Variants in MACROD2 observed in about 807,000 individuals in gnomAD.
MACROD2 encodes the protein ADP-ribose glycohydrolase MACROD2.
A neutral mutation model predicts 70.4 loss-of-function variants in MACROD2; 36 were observed. The ratio of observed to expected loss-of-function variants is 0.51; its 90% CI spans 0.39 to 0.68. The LOEUF is 0.68. MACROD2 is among the 30% of genes least tolerant of loss of function. The pLI, the probability that MACROD2 is intolerant of heterozygous loss-of-function variation, is 0.00. For missense variants in MACROD2, 496 were observed against 538.4 expected, an observed-to-expected ratio of 0.92 and a Z score of 0.78; for synonymous variants, 172 against 178.8, an observed-to-expected ratio of 0.96 and a Z score of 0.30.
At chr20:14,774,969 C>T (rs1568788746) in intron 5 of MACROD2, among the ~76,000 whole-genome samples, 1 of 152,178 alleles carries the variant, frequency 6.6e-6, no homozygotes, top group East Asian at 1.9e-4. Flanking sequence ...GTCTCAAAAG[C>T]AAAATTTGTT....
intron 3 of MACROD2, among the ~76,000 whole-genome samples, chr20:14,103,853 G>T (rs2054331506): frequency 6.6e-6 from 1 of 152,018 alleles, no homozygotes; most frequent in Non-Finnish European, 1.5e-5. Flanking sequence ...ATTATTTTAA[G>T]TTTTTTACTG....
chr20:15,032,402 A>G (rs1207638834), intron 5 of MACROD2, among the ~76,000 whole-genome samples: 1 of 152,200 alleles, frequency 6.6e-6, no homozygotes, highest in African/African-American at 2.4e-5. Flanking sequence ...GACGCTCCAG[A>G]TGGGCCACTG....
intron 7 of MACROD2, among the ~76,000 whole-genome samples, chr20:15,497,191 A>G (rs1031660119): frequency 6.6e-6 from 1 of 152,218 alleles, no homozygotes; most frequent in Admixed American, 6.5e-5. Flanking sequence ...AAAGGGAAGT[A>G]TCCAGGCGAT....
chr20:14,454,781 C>G (rs1479544767), intron 3 of MACROD2, among the ~76,000 whole-genome samples: 3 of 110,066 alleles, frequency 2.7e-5, no homozygotes, highest in Non-Finnish European at 5.0e-5. Flanking sequence ...GAGACGGAGT[C>G]TTGCTCTGTC....
At chr20:15,357,115 A>T (rs116776320) in intron 6 of MACROD2, among the ~76,000 whole-genome samples, 2 of 152,188 alleles carry the variant, frequency 1.3e-5, no homozygotes, top group Non-Finnish European at 2.9e-5. Context: ...AAGAGTAAAA[A>T]AAAAAGTAGA....
intron 3 of MACROD2, among the ~76,000 whole-genome samples, chr20:14,098,555 A>G (rs996978391): frequency 6.6e-6 from 1 of 152,214 alleles, no homozygotes; most frequent in Non-Finnish European, 1.5e-5. Context: ...GAATTTTTAT[A>G]TAGGTAAATA....
intron 2 of MACROD2, among the ~76,000 whole-genome samples, chr20:14,084,700 G>C (rs959473529): frequency 1.3e-5 from 2 of 151,874 alleles, no homozygotes; most frequent in African/African-American, 4.8e-5. Flanking sequence ...GTTGTGTGTT[G>C]GGGTAGAGCT....
chr20:15,749,087 T>G (rs372710105), intron 8 of MACROD2, among the ~76,000 whole-genome samples: 1 of 152,324 alleles, frequency 6.6e-6, no homozygotes, highest in South Asian at 2.1e-4. Context: ...CATTTTTATA[T>G]GTTCTTGACT....
At chr20:14,646,469 C>A (rs1004091739) in intron 4 of MACROD2, among the ~76,000 whole-genome samples, 1 of 151,992 alleles carries the variant, frequency 6.6e-6, no homozygotes, top group Non-Finnish European at 1.5e-5. Context: ...ATTATGTTAT[C>A]TGTTATAGTA....
intron 10 of MACROD2, among the ~76,000 whole-genome samples, chr20:15,931,689 G>A (rs1260710795): frequency 2.0e-5 from 3 of 151,674 alleles, no homozygotes; most frequent in Non-Finnish European, 2.9e-5. Flanking sequence ...CGTCACAAAC[G>A]GCACAGGGCT....
At chr20:15,270,824 C>T (rs941670273) in intron 6 of MACROD2, among the ~76,000 whole-genome samples, 1 of 152,112 alleles carries the variant, frequency 6.6e-6, no homozygotes, top group Non-Finnish European at 1.5e-5. Context: ...ATATGGAAAA[C>T]TCCTTTTCAT....
intron 8 of MACROD2, among the ~76,000 whole-genome samples, chr20:15,659,886 C>T (rs1185506101): frequency 6.6e-6 from 1 of 152,068 alleles, no homozygotes; most frequent in Admixed American, 6.5e-5. Flanking sequence ...GATAAAAGTC[C>T]TCTGTTATAG....
At chr20:15,636,098 A>AAAAAAAAAAG (rs1555851926) in intron 8 of MACROD2, among the ~76,000 whole-genome samples, 1 of 138,514 alleles carries the variant, frequency 7.2e-6, no homozygotes, top group Non-Finnish European at 1.5e-5. Context: ...AAAAAGAAAG[A>AAAAAAAAAAG]AAAGAAAAGA....
At chr20:15,451,633 C>T (rs1457603394) in intron 7 of MACROD2, among the ~76,000 whole-genome samples, 1 of 151,996 alleles carries the variant, frequency 6.6e-6, no homozygotes, top group African/African-American at 2.4e-5. Flanking sequence ...CCATCCCTGA[C>T]AAATTAATCA....
At chr20:15,394,388 T>A (rs1223876543) in intron 6 of MACROD2, among the ~76,000 whole-genome samples, 1 of 152,216 alleles carries the variant, frequency 6.6e-6, no homozygotes, top group Non-Finnish European at 1.5e-5. Flanking sequence ...GCCCAAGCTC[T>A]GGTAGACCTC....
intron 13 of MACROD2, among the ~76,000 whole-genome samples, chr20:15,969,888 C>T (rs1246681898): frequency 6.6e-6 from 1 of 150,724 alleles, no homozygotes; most frequent in Non-Finnish European, 1.5e-5. Flanking sequence ...AATCCACAAC[C>T]AGGCCCATCA....
intron 4 of MACROD2, among the ~76,000 whole-genome samples, chr20:14,612,672 AAT>A (rs1241958204): frequency 6.6e-6 from 1 of 152,094 alleles, no homozygotes; most frequent in East Asian, 1.9e-4. Flanking sequence ...GGTACATTTT[AAT>A]ATGTTTCATA....
At chr20:15,389,036 C>T (rs1468034009) in intron 6 of MACROD2, among the ~76,000 whole-genome samples, 5 of 152,006 alleles carry the variant, frequency 3.3e-5, no homozygotes, top group Non-Finnish European at 7.4e-5. Flanking sequence ...TGATCTTAGC[C>T]ACGAAAGTAT....
intron 8 of MACROD2, among the ~76,000 whole-genome samples, chr20:15,576,562 T>TTTC (rs2048451089): frequency 1.3e-5 from 2 of 151,656 alleles, no homozygotes; most frequent in South Asian, 4.2e-4. Context: ...GTTTTTTTTT[T>TTTC]TTCTTCCCAG....
Sources: gnomAD v4.1 joint callset for allele counts (sites outside exome capture counted in the v4.1 genomes callset) on GRCh38, gnomAD v4.1.1 for gene constraint, MANE v1.5 for transcripts, NCBI Gene and HGNC (gene_info 2026-07-23, HGNC 2026-07-21) for gene names.